The following HMCN1 variants were observed in gnomAD, a reference collection of about 807,000 sequenced individuals.
HMCN1 encodes hemicentin-1.
In HMCN1, 321 loss-of-function variants were observed where a neutral mutation model predicts 625.9. That is an observed-to-expected ratio of 0.51 (90% CI 0.47 to 0.56). The LOEUF (loss-of-function observed/expected upper bound fraction) is 0.56. Among genes scored for constraint, HMCN1 ranks in the 20% least tolerant of loss-of-function variants. The pLI, the probability that HMCN1 is intolerant of heterozygous loss-of-function variation, is 0.00. For missense variants in HMCN1, 6,588 were observed against 6,887.3 expected (o/e 0.96, Z 1.54); for synonymous variants, 2,425 against 2,417.6 (o/e 1.00, Z -0.09).
At chr1:186,132,300 T>C in intron 85 of HMCN1, 28 bp from the exon 86 acceptor site, 1 of 1,570,830 alleles carries the variant, frequency 6.4e-7, no homozygotes, top group South Asian at 1.1e-5. Context: ...GGCTCATATT[T>C]TTGTAAAAAC....
chr1:185,791,861 C>T (rs1658024929), intron 1 of HMCN1, among the ~76,000 whole-genome samples: 1 of 152,152 alleles, frequency 6.6e-6, no homozygotes, highest in Non-Finnish European at 1.5e-5. Flanking sequence ...TAAGCAAACC[C>T]ATGTAAATTC....
intron 4 of HMCN1, among the ~76,000 whole-genome samples, chr1:185,897,044 T>C (rs1665531838): frequency 6.6e-6 from 1 of 152,218 alleles, no homozygotes; most frequent in Non-Finnish European, 1.5e-5. Flanking sequence ...GGCATCATCA[T>C]TCCTTTTGCT....
At chr1:186,126,668 A>C (rs185077617) in intron 82 of HMCN1, among the ~76,000 whole-genome samples, 6 of 152,270 alleles carry the variant, frequency 3.9e-5, no homozygotes, top group Non-Finnish European at 7.4e-5. Flanking sequence ...CTTGAGGTGG[A>C]AACATGTCCA....
intron 1 of HMCN1, among the ~76,000 whole-genome samples, chr1:185,765,978 A>G (rs537034736): frequency 6.6e-6 from 1 of 151,990 alleles, no homozygotes; most frequent in South Asian, 2.1e-4. Context: ...TTGTTCAGCT[A>G]CTCCTGGGGT....
chr1:185,892,747 G>A (rs554003228), intron 4 of HMCN1, among the ~76,000 whole-genome samples: 165 of 152,228 alleles, frequency 1.1e-3, no homozygotes, highest in Admixed American at 2.2e-3. Flanking sequence ...GTCTGCAGAG[G>A]TTACTGCCGT....
intron 1 of HMCN1, among the ~76,000 whole-genome samples, chr1:185,781,700 G>A (rs1657124895): frequency 6.6e-6 from 1 of 152,180 alleles, no homozygotes; most frequent in African/African-American, 2.4e-5. Context: ...TGATTGCACT[G>A]TGGTCTGAGA....
intron 1 of HMCN1, among the ~76,000 whole-genome samples, chr1:185,797,155 T>C (rs989143029): frequency 3.3e-5 from 5 of 152,250 alleles, no homozygotes; most frequent in African/African-American, 1.2e-4. Flanking sequence ...TTGCAAAATA[T>C]ATGTTCATGT....
At chr1:185,745,242 AAG>A (rs1307543499) in intron 1 of HMCN1, among the ~76,000 whole-genome samples, 1 of 152,012 alleles carries the variant, frequency 6.6e-6, no homozygotes. Context: ...GGCAATGAAA[AAG>A]AGAGTCACAG....
chr1:185,756,739 C>T (rs1655155895), intron 1 of HMCN1, among the ~76,000 whole-genome samples: 1 of 152,138 alleles, frequency 6.6e-6, no homozygotes, highest in Non-Finnish European at 1.5e-5. Flanking sequence ...CTGTTTTCAA[C>T]ACATGCACAT....
chr1:185,835,406 A>G (rs1356645451), intron 1 of HMCN1, among the ~76,000 whole-genome samples: 3 of 146,936 alleles, frequency 2.0e-5, no homozygotes, highest in Non-Finnish European at 4.5e-5. Context: ...TCTCTCTTCA[A>G]TTGCCGCAGT....
chr1:186,002,170 T>G (rs1423350083), intron 28 of HMCN1, among the ~76,000 whole-genome samples: 2 of 152,048 alleles, frequency 1.3e-5, no homozygotes, highest in African/African-American at 2.4e-5. Flanking sequence ...AAATCCACTT[T>G]CCCCTGCATT....
intron 102 of HMCN1, 41 bp downstream of exon 102, chr1:186,172,172 G>A (rs546469510): frequency 5.1e-5 from 82 of 1,609,586 alleles, no homozygotes; most frequent in African/African-American, 2.9e-4. Flanking sequence ...TCAGTTTGCC[G>A]TCAACAAGTC....
intron 97 of HMCN1, among the ~76,000 whole-genome samples, chr1:186,164,240 C>CTTTTTTTTTTT (rs57317105): frequency 6.8e-5 from 9 of 131,550 alleles, no homozygotes; most frequent in African/African-American, 2.5e-4. Context: ...TAACTTAAAT[C>CTTTTTTTTTTT]TTTTTTTTTT....
At chr1:185,992,633 G>A (rs1361652479) in intron 22 of HMCN1, among the ~76,000 whole-genome samples, 1 of 151,974 alleles carries the variant, frequency 6.6e-6, no homozygotes, top group African/African-American at 2.4e-5. Context: ...GCATGTCTCT[G>A]GGCCAAGAGC....
chr1:186,087,803 G>C (rs1410112005), intron 60 of HMCN1, 129 bp from the exon 61 acceptor site: 3 of 1,137,362 alleles, frequency 2.6e-6, no homozygotes, highest in Non-Finnish European at 4.0e-6. Context: ...AAAATAGCAA[G>C]ATTGCAGAAG....
intron 2 of HMCN1, among the ~76,000 whole-genome samples, chr1:185,858,554 GCTATATGC>G (rs112903729): frequency 0.43 from 54,567 of 127,968 alleles, 15,084 homozygotes; most frequent in African/African-American, 0.8. Context: ...CCACGTGCCA[GCTATATGC>G]CTATATGCCA....
At chr1:186,163,753 AATC>A (rs1651682531) in intron 97 of HMCN1, among the ~76,000 whole-genome samples, 1 of 152,218 alleles carries the variant, frequency 6.6e-6, no homozygotes, top group African/African-American at 2.4e-5. Context: ...GCAAGGGACA[AATC>A]ATCATCTTGC....
intron 4 of HMCN1, among the ~76,000 whole-genome samples, chr1:185,889,118 G>A (rs1465153137): frequency 5.6e-5 from 8 of 142,162 alleles, no homozygotes; most frequent in Non-Finnish European, 1.0e-4. Context: ...TTTGTCTGTT[G>A]TTGGTGTATA....
At position 186,041,042 on chromosome 1, in the gene HMCN1, G is replaced by T; in HGVS notation, c.6210G>T (p.Leu2070Phe). The T allele has an allele frequency of 6.2e-7, 1 of 1,612,916 alleles. No individual in the cohort carries two copies. Among genetic ancestry groups the T allele is most frequent in the South Asian group, 1.1e-5 (1 of 91,022 alleles). The change falls in exon 40 of 107, where the codon TTG becomes TTT. Residue 2070 changes from leucine (L) to phenylalanine (F), a missense_variant. Physicochemically the swap from Leu to Phe is conservative, Grantham distance 22. Around this residue, in one of 3 missense-constraint regions of HMCN1, gnomAD observed 4,628 missense variants for 4,853.1 expected, o/e 0.95. Coordinates refer to ENST00000271588, the MANE Select transcript of HMCN1 (RefSeq NM_031935.3). ...TCTCTGGTGGTCGAATCCTAGCATT[G>T]ACCAGTGCACAAATCAGCGACACAG... The part of the protein sequence containing the change: ...QVLSGGRILA[L>F]TSAQISDTGR...
Sources: gnomAD v4.1 joint callset for allele counts (sites outside exome capture counted in the v4.1 genomes callset) on GRCh38, gnomAD v4.1.1 for gene constraint, gnomAD v4.1.1 regional missense constraint, MANE v1.5 for transcripts, NCBI Gene and HGNC (gene_info 2026-07-23, HGNC 2026-07-21) for gene names.